The following THG1L variants were observed in gnomAD, a reference collection of about 807,000 sequenced individuals.
The protein encoded by THG1L is probable tRNA(His) guanylyltransferase.
THG1L carries 27 observed loss-of-function variants against 35.2 expected under a neutral mutation model. The ratio of observed to expected loss-of-function variants is 0.77; its 90% CI spans 0.57 to 1.06. The LOEUF (loss-of-function observed/expected upper bound fraction) is 1.06, where lower values mean the gene tolerates loss of function less well. Among genes scored for constraint, THG1L ranks in the 50% least tolerant of loss-of-function variants. The probability of loss-of-function intolerance (pLI) is 0.00; values close to 1 mark genes in which losing one functional copy is unlikely to be tolerated. For synonymous variants in THG1L, 135 were observed against 132.4 expected, an observed-to-expected ratio of 1.02 and a Z score of -0.14; for missense variants, 377 against 371.8, an observed-to-expected ratio of 1.01 and a Z score of -0.12.
At position 157,738,050 on chromosome 5, in the gene THG1L, C is replaced by G. The variant is rs901632382; in HGVS notation, c.735+56C>G. The G allele has an allele frequency of 2.8e-6, 4 of 1,405,934 alleles. No homozygotes were observed. The African/African-American group carries it at 4.3e-5, about 15-fold the overall frequency. 87.1% of individuals were successfully genotyped at this position (1,405,934 alleles called of 1,614,324 possible). A position where few individuals can be genotyped will look rare whatever the true frequency, so the allele number is the denominator to read the frequency against. On this transcript the variant is annotated intron_variant, in intron 5 of 5. Coordinates refer to ENST00000231198, the MANE Select transcript of THG1L (RefSeq NM_017872.5). ...AGTCAGGAAAAAAGATAGCCTGTGC[C>G]CATTCCAAGCTGTGCCCTCCCTGCT...
intron 3 of THG1L, 82 bp from the exon 4 acceptor site, chr5:157,735,764 C>A: frequency 1.1e-6 from 1 of 940,376 alleles, no homozygotes; most frequent in Non-Finnish European, 1.6e-6. Flanking sequence ...AGGAGAGGGT[C>A]AGGGCTCTAG....
In THG1L at chr5:157,731,576, A is replaced by T. The variant is rs779170813; in HGVS notation, c.136A>T (p.Thr46Ser). 55 of 1,611,624 alleles carry T rather than the reference A, an allele frequency of 3.4e-5. No individual in the cohort carries two copies. The South Asian group carries it at 6.1e-4, about 18-fold the overall frequency. ...CGTGAGGGACTTCGAGGCTGACGACACCTGCCTGGCACACTGCTGGGTGGT... is the reference window on the plus strand; with the variant it reads ...CGTGAGGGACTTCGAGGCTGACGACTCCTGCCTGGCACACTGCTGGGTGGT... ...EYVRDFEADD[T>S]CLAHCWVVVR... Residue 46 changes from threonine (T) to serine (S), a missense_variant, in exon 1 of 6, where the codon ACC becomes TCC. Transcript: ENST00000231198.
chr5:157,739,654 T>C lies in THG1L; in HGVS notation c.*172T>C, dbSNP rs755829836. The C allele has an allele frequency of 1.2e-5, 8 of 659,082 alleles. No homozygotes were observed. Among genetic ancestry groups the C allele is most frequent in the Non-Finnish European group, 1.7e-5 (7 of 421,502 alleles). The allele number at this position is 659,082 out of a possible 1,614,324, so 40.8% of individuals were successfully genotyped here. ...AAGGGATGGATGGGGGTGGTGTATC[T>C]TACTCTGTTTAAGCAGAACACCTTG... On this transcript the variant is annotated 3_prime_UTR_variant, in exon 6 of 6. Coordinates refer to ENST00000231198, the MANE Select transcript of THG1L (RefSeq NM_017872.5).
chr5:157,734,341 T>C (rs1379806288), intron 2 of THG1L, among the ~76,000 whole-genome samples: 1 of 152,142 alleles, frequency 6.6e-6, no homozygotes, highest in Non-Finnish European at 1.5e-5. Flanking sequence ...TGAGCCAAGA[T>C]GGTGCCATTG....
At chr5:157,737,550 C>T (rs904030579) in intron 4 of THG1L, among the ~76,000 whole-genome samples, 12 of 151,822 alleles carry the variant, frequency 7.9e-5, no homozygotes, top group South Asian at 2.1e-4. Context: ...TTCAATTCTT[C>T]GTAGAAGAAT....
chr5:157,734,734 G>C lies in THG1L; in HGVS notation c.527G>C (p.Arg176Pro), dbSNP rs751177549. 1 of 1,614,094 alleles carries C rather than the reference G, an allele frequency of 6.2e-7. No individual in the cohort carries two copies. Among genetic ancestry groups the C allele is most frequent in the Non-Finnish European group, 8.5e-7 (1 of 1,180,032 alleles). ...NQTLKDYLSW[R>P]QADCHINNLY... ...ACTTTAAAGGACTACCTCAGCTGGC[G>C]ACAAGCAGATTGTGAGTGGCACCAA... is the stretch of plus-strand genomic sequence containing the variant. Residue 176 changes from arginine to proline, a missense_variant, in exon 3 of 6, where the codon CGA becomes CCA. Coordinates refer to ENST00000231198, the MANE Select transcript of THG1L (RefSeq NM_017872.5).
At chr5:157,733,713 C>T (rs1391024305) in intron 2 of THG1L, among the ~76,000 whole-genome samples, 3 of 152,130 alleles carry the variant, frequency 2.0e-5, no homozygotes, top group Non-Finnish European at 4.4e-5. Flanking sequence ...TGGCTCACGC[C>T]TGTAATCCCA....
intron 1 of THG1L, among the ~76,000 whole-genome samples, chr5:157,732,056 A>G (rs370770624): frequency 6.6e-6 from 1 of 152,038 alleles, no homozygotes; most frequent in African/African-American, 2.4e-5. Flanking sequence ...CTTCATTATC[A>G]GTAACAGGCC....
intron 5 of THG1L, chr5:157,738,824 C>CT (rs33954159): frequency 0.31 from 50,947 of 163,048 alleles, 7,628 homozygotes; most frequent in East Asian, 0.52. Context: ...ATAGTATAAC[C>CT]TTTTTTTTTT....
chr5:157,731,540 A>G lies in THG1L; in HGVS notation c.100A>G (p.Lys34Glu). Residue 34 changes from lysine (K) to glutamate (E), a missense_variant, in exon 1 of 6, where the codon AAG (lysine) becomes GAG (glutamate). Coordinates refer to ENST00000231198, the MANE Select transcript of THG1L (RefSeq NM_017872.5). ...ATTGGGGGCGACCATGGCAAAAAGC[A>G]AGTTCGAGTACGTGAGGGACTTCGA... Reference protein sequence around the residue: ...LRLGATMAKSKFEYVRDFEAD... With the variant: ...LRLGATMAKSEFEYVRDFEAD... 6.2e-7 allele frequency: 1 copy of G among 1,612,932 alleles called. No homozygotes were observed. The highest frequency in any genetic ancestry group is 8.5e-7 in the Non-Finnish European group (1 of 1,179,468).
intron 5 of THG1L, among the ~76,000 whole-genome samples, chr5:157,738,292 T>C (rs922770500): frequency 6.6e-6 from 1 of 152,208 alleles, no homozygotes; most frequent in East Asian, 1.9e-4. Flanking sequence ...AGTACAGATA[T>C]GAGGATTTGT....
In THG1L at chr5:157,739,974, A is replaced by G. The variant is rs1760991800; in HGVS notation, c.*492A>G. 1 of 152,278 alleles carries G rather than the reference A, an allele frequency of 6.6e-6. No individual in the cohort carries two copies. Among genetic ancestry groups the G allele is most frequent in the Non-Finnish European group, 1.5e-5 (1 of 68,092 alleles). 9.4% of individuals were successfully genotyped at this position (152,278 alleles called of 1,614,324 possible). On this transcript the variant is annotated 3_prime_UTR_variant, in exon 6 of 6. Transcript: ENST00000231198. The stretch of plus-strand genomic sequence containing the variant: ...AAGATAAATATGGGTTAATGCCTGC[A>G]TGATGCCTCTGAATTCAGGAATTGC...
In THG1L at chr5:157,734,638, A is replaced by G. The variant is rs1760821678; in HGVS notation, c.431A>G (p.Tyr144Cys). ...AGCTATGTGTTTTATTGGCGGGATT[A>G]CTTTGAGGACCAGCCCCTTCTGTAT... Reference protein sequence around the residue: ...ASSYVFYWRDYFEDQPLLYPP... With the variant: ...ASSYVFYWRDCFEDQPLLYPP... The change falls in exon 3 of 6, where the codon TAC (tyrosine) becomes TGC (cysteine). Residue 144 changes from tyrosine to cysteine, a missense_variant. Coordinates refer to ENST00000231198, the MANE Select transcript of THG1L (RefSeq NM_017872.5). The G allele has an allele frequency of 6.2e-7, 1 of 1,613,792 alleles. No individual in the cohort carries two copies. Among genetic ancestry groups the G allele is most frequent in the South Asian group, 1.1e-5 (1 of 91,064 alleles).
At chr5:157,738,589 G>GTTTTT in intron 5 of THG1L, 5 of 374,452 alleles carry the variant, frequency 1.3e-5, no homozygotes, top group Admixed American at 3.6e-5. Context: ...AAGTTTTTTT[G>GTTTTT]TTTTTTTTTT....
intron 5 of THG1L, chr5:157,738,590 T>G (rs932808127): frequency 5.8e-6 from 2 of 344,104 alleles, no homozygotes; most frequent in South Asian, 2.3e-5. Flanking sequence ...AGTTTTTTTG[T>G]TTTTTTTTTT....
intron 3 of THG1L, 51 bp downstream of exon 3, chr5:157,734,796 T>TA (rs1365374871): frequency 6.2e-7 from 1 of 1,606,828 alleles, no homozygotes; most frequent in African/African-American, 1.3e-5. Flanking sequence ...TTCCATGTCT[T>TA]ACAGGTGTTG....
chr5:157,735,744 A>AAGAGATCTCCT (rs1760854483), intron 3 of THG1L, 102 bp from the exon 4 acceptor site: 8 of 747,186 alleles, frequency 1.1e-5, no homozygotes, highest in Admixed American at 9.5e-5. Flanking sequence ...AGATCTCTTT[A>AAGAGATCTCCT]CTATGAAAGA....
At chr5:157,736,816 T>C (rs907482431) in intron 4 of THG1L, among the ~76,000 whole-genome samples, 2 of 152,240 alleles carry the variant, frequency 1.3e-5, no homozygotes, top group Admixed American at 1.3e-4. Flanking sequence ...TTAAATGGCA[T>C]GATGCACGTA....
chr5:157,734,386 CT>C (rs1204250083), intron 2 of THG1L, among the ~76,000 whole-genome samples, 189 bp from the exon 3 acceptor site: 1 of 151,532 alleles, frequency 6.6e-6, no homozygotes, highest in Non-Finnish European at 1.5e-5. Flanking sequence ...AGACTCTGTC[CT>C]AAAAAAAGAA....
Sources: gnomAD v4.1 joint callset for allele counts (sites outside exome capture counted in the v4.1 genomes callset) on GRCh38, gnomAD v4.1.1 for gene constraint, MANE v1.5 for transcripts, NCBI Gene and HGNC (gene_info 2026-07-23, HGNC 2026-07-21) for gene names.